The following FABP6 variants were observed in gnomAD, a reference collection of about 807,000 sequenced individuals.
FABP6 encodes gastrotropin.
FABP6 carries 13 observed loss-of-function variants against 14.9 expected under a neutral mutation model. The observed-to-expected ratio is 0.87, with a 90% CI of 0.57 to 1.39. The LOEUF (loss-of-function observed/expected upper bound fraction) is 1.39. Ranked by LOEUF, FABP6 falls within the 40% of genes most tolerant of loss-of-function variation. The probability of loss-of-function intolerance (pLI) is 0.00; values close to 1 mark genes in which losing one functional copy is unlikely to be tolerated. For missense variants in FABP6, 161 were observed against 167.2 expected (o/e 0.96, Z 0.20); for synonymous variants, 75 against 63.6 (o/e 1.18, Z -0.85).
At chr5:160,217,099 A>G (rs1295872792) in intron 3 of FABP6, among the ~76,000 whole-genome samples, 1 of 152,188 alleles carries the variant, frequency 6.6e-6, no homozygotes, top group Non-Finnish European at 1.5e-5. Context: ...TATGTAAAGC[A>G]TTTAGCACAG....
chr5:160,206,631 A>G (rs539265402), intron 2 of FABP6, among the ~76,000 whole-genome samples: 96 of 152,306 alleles, frequency 6.3e-4, no homozygotes, highest in African/African-American at 2.1e-3. Flanking sequence ...ATTTCTACAC[A>G]GAGCCACACA....
At chr5:160,225,185 C>T (rs1407276495), upstream of FABP6, among the ~76,000 whole-genome samples, 1 of 151,920 alleles carries the variant, frequency 6.6e-6, no homozygotes, top group Non-Finnish European at 1.5e-5. Flanking sequence ...CAACATCCAC[C>T]ACCTGGGTTC....
intron 2 of FABP6, among the ~76,000 whole-genome samples, chr5:160,213,451 A>G (rs933278728): frequency 1.7e-4 from 26 of 152,240 alleles, no homozygotes; most frequent in Admixed American, 1.6e-3. Flanking sequence ...TGCCCAGTCC[A>G]GCCTTTGGCA....
chr5:160,191,998 A>G (rs1479455636), intron 1 of FABP6, among the ~76,000 whole-genome samples: 1 of 151,128 alleles, frequency 6.6e-6, no homozygotes, highest in Non-Finnish European at 1.5e-5. Context: ...AAGAAAAAAA[A>G]AGAAATCCTG....
chr5:160,232,682 A>C (rs1760417632), intron 2 of FABP6, among the ~76,000 whole-genome samples: 3 of 152,070 alleles, frequency 2.0e-5, no homozygotes, highest in African/African-American at 7.2e-5. Context: ...GGATGGCTCG[A>C]GGCCAGGATT....
intron 3 of FABP6, among the ~76,000 whole-genome samples, chr5:160,220,189 G>C (rs1760101528): frequency 1.3e-5 from 2 of 152,216 alleles, no homozygotes; most frequent in South Asian, 4.1e-4. Context: ...TTGCCAGTGA[G>C]TGAGAATAAC....
chr5:160,217,956 T>G (rs925595628), intron 3 of FABP6, among the ~76,000 whole-genome samples: 9 of 152,166 alleles, frequency 5.9e-5, no homozygotes, highest in African/African-American at 2.2e-4. Context: ...TTATTTATTT[T>G]AGAGTCAAGT....
chr5:160,205,983 C>CT (rs1759757369), intron 2 of FABP6, among the ~76,000 whole-genome samples: 1 of 151,900 alleles, frequency 6.6e-6, no homozygotes, highest in Non-Finnish European at 1.5e-5. Flanking sequence ...TCTTTCTTTT[C>CT]TTTTTCTTTC....
chr5:160,223,336 T>C (rs1313346973), intron 3 of FABP6, among the ~76,000 whole-genome samples: 1 of 66,944 alleles, frequency 1.5e-5, no homozygotes, highest in African/African-American at 6.2e-5. Context: ...TGCCCGCCCT[T>C]CCTTCCTTCC....
intron 2 of FABP6, among the ~76,000 whole-genome samples, 171 bp from the exon 3 acceptor site, chr5:160,234,649 A>G (rs985914860): frequency 1.3e-5 from 2 of 151,472 alleles, no homozygotes; most frequent in African/African-American, 2.4e-5. Flanking sequence ...CTGGTCTCGA[A>G]CTCCTGACCT....
Position 160,224,380 on chromosome 5 carries a change from G to T in FABP6, c.136-5166G>T, listed in dbSNP as rs1760198457. ...TGAGGCTGCAGTGAGGCGTTTTTGT[G>T]CCACTGCACTCCAGCCTGGGTGACA... On this transcript the variant is annotated intron_variant, in intron 3 of 6. Transcript: ENST00000393980. Among the ~76,000 whole-genome samples the T allele has an allele frequency of 2.0e-5, 3 of 152,156 alleles. No homozygotes were observed. In the South Asian group the frequency reaches 6.2e-4, roughly 32 times the overall value.
chr5:160,224,193 G>A (rs1249972499), intron 3 of FABP6, among the ~76,000 whole-genome samples: 2 of 151,998 alleles, frequency 1.3e-5, no homozygotes, highest in South Asian at 2.1e-4. Flanking sequence ...CTGAGATAGC[G>A]CCACTGCACT....
At chr5:160,223,664 C>G (rs1259300968) in intron 3 of FABP6, among the ~76,000 whole-genome samples, 1 of 151,396 alleles carries the variant, frequency 6.6e-6, no homozygotes, top group Non-Finnish European at 1.5e-5. Context: ...TGGGCCCAAG[C>G]GATCTTTCCG....
At chr5:160,192,635 G>C (rs1759419675) in intron 1 of FABP6, among the ~76,000 whole-genome samples, 1 of 152,242 alleles carries the variant, frequency 6.6e-6, no homozygotes. Flanking sequence ...CACCGTGCTA[G>C]ACAGCAGGGC....
chr5:160,208,782 CT>C (rs57422043), intron 2 of FABP6, among the ~76,000 whole-genome samples: 58,302 of 142,190 alleles, frequency 0.41, 11,621 homozygotes, highest in Non-Finnish European at 0.43. Context: ...TCTTTCTTTT[CT>C]TTTTTTTTTT....
At chr5:160,202,697 G>A (rs1038840215) in intron 2 of FABP6, among the ~76,000 whole-genome samples, 1 of 151,712 alleles carries the variant, frequency 6.6e-6, no homozygotes, top group African/African-American at 2.4e-5. Flanking sequence ...CCAGTGACTC[G>A]GGAGGCTGAG....
chr5:160,194,564 T>C (rs1759472919), intron 1 of FABP6, among the ~76,000 whole-genome samples: 1 of 151,860 alleles, frequency 6.6e-6, no homozygotes, highest in African/African-American at 2.4e-5. Context: ...AAATAAAAAA[T>C]AAAAATAAAA....
Position 160,220,561 on chromosome 5 carries a change from C to T in FABP6, c.135+6742C>T, listed in dbSNP as rs569803951. 3.4e-4 allele frequency among the ~76,000 whole-genome samples: 51 copies of T among 151,908 alleles called. 1 individual carries two copies. The highest frequency in any genetic ancestry group is 6.8e-3 in the Middle Eastern group (2 of 294). On this transcript the variant is annotated intron_variant, in intron 3 of 6. Coordinates refer to the FABP6 transcript ENST00000393980. ...GAGGCTGAGGCTGATTGTGCCACTG[C>T]ACTCCACCCTGGGTGACAGAGTGAG...
At chr5:160,194,570 TAAAA>T (rs1330809437) in intron 1 of FABP6, among the ~76,000 whole-genome samples, 5 of 151,848 alleles carry the variant, frequency 3.3e-5, no homozygotes, top group Non-Finnish European at 7.4e-5. Flanking sequence ...AAAATAAAAA[TAAAA>T]AGAGAGAGAG....
Sources: gnomAD v4.1 joint callset for allele counts (sites outside exome capture counted in the v4.1 genomes callset) on GRCh38, gnomAD v4.1.1 for gene constraint, MANE v1.5 for transcripts, NCBI Gene and HGNC (gene_info 2026-07-23, HGNC 2026-07-21) for gene names.